CSGALNACT1: variants seen among roughly 807,000 people sequenced by gnomAD.
CSGALNACT1 encodes the protein chondroitin sulfate N-acetylgalactosaminyltransferase 1, also known as beta4GalNAcT-1.
CSGALNACT1 carries 52 observed loss-of-function variants against 51.0 expected under a neutral mutation model. The observed-to-expected ratio is 1.02, with a 90% CI of 0.82 to 1.29. The LOEUF is 1.29. Among genes scored for constraint, CSGALNACT1 ranks in the 50% most tolerant of loss-of-function variants. CSGALNACT1 has a pLI of 0.00. For missense variants in CSGALNACT1, 935 were observed against 679.2 expected (o/e 1.38, Z -4.19); for synonymous variants, 341 against 254.4 (o/e 1.34, Z -3.24).
At chr8:19,560,081 T>A (rs923292909) in intron 3 of CSGALNACT1, among the ~76,000 whole-genome samples, 1 of 152,168 alleles carries the variant, frequency 6.6e-6, no homozygotes, top group African/African-American at 2.4e-5. Flanking sequence ...CCCCCACTTA[T>A]AAACATTTTT....
rs185024443 is a variant in CSGALNACT1 at position 19,655,426 on chromosome 8, T to C, written c.-544+27047A>G. The stretch of plus-strand genomic sequence containing the variant: ...TGCAGGCTGGAGTGCAGTGGCACTA[T>C]CATGGCTCACTGCAGCCTTGACCTC... On this transcript the variant is annotated intron_variant, in intron 1 of 9. Coordinates refer to the CSGALNACT1 transcript ENST00000332246. Among the ~76,000 whole-genome samples, 19 of 152,262 alleles carry C rather than the reference T, an allele frequency of 1.2e-4. No homozygotes were observed. The East Asian group carries it at 3.3e-3, about 26-fold the overall frequency.
intron 3 of CSGALNACT1, among the ~76,000 whole-genome samples, chr8:19,555,925 A>C (rs2089601014): frequency 6.6e-6 from 1 of 152,182 alleles, no homozygotes; most frequent in African/African-American, 2.4e-5. Context: ...GAAGAAGTAA[A>C]ATGATCCTCT....
At chr8:19,431,374 A>C (rs893010926) in intron 6 of CSGALNACT1, among the ~76,000 whole-genome samples, 11 of 152,114 alleles carry the variant, frequency 7.2e-5, no homozygotes, top group African/African-American at 2.7e-4. Flanking sequence ...TTATCATAAA[A>C]GGATGTTGGA....
chr8:19,605,025 G>A (rs902606046), upstream of CSGALNACT1, among the ~76,000 whole-genome samples: 1 of 151,886 alleles, frequency 6.6e-6, no homozygotes, highest in Non-Finnish European at 1.5e-5. Context: ...GTTGGCCTCA[G>A]GAACACAGCC....
intron 1 of CSGALNACT1, among the ~76,000 whole-genome samples, chr8:19,698,800 C>A (rs565436645): frequency 6.6e-6 from 1 of 152,154 alleles, no homozygotes; most frequent in African/African-American, 2.4e-5. Context: ...ACCATATGAT[C>A]CAGCAATTTT....
chr8:19,546,236 CATAAAACATGA>C (rs2086435074), intron 3 of CSGALNACT1, among the ~76,000 whole-genome samples: 2 of 152,186 alleles, frequency 1.3e-5, no homozygotes, highest in Admixed American at 6.5e-5. Context: ...TATATAAATA[CATAAAACATGA>C]TTAATCGTGT....
chr8:19,516,170 T>A (rs1469280743), intron 3 of CSGALNACT1, among the ~76,000 whole-genome samples: 1 of 152,140 alleles, frequency 6.6e-6, no homozygotes, highest in Admixed American at 6.5e-5. Context: ...CCAGACATCA[T>A]ACAAAGCACT....
chr8:19,638,184 C>T (rs916074042), intron 1 of CSGALNACT1, among the ~76,000 whole-genome samples: 6 of 147,732 alleles, frequency 4.1e-5, no homozygotes, highest in African/African-American at 5.1e-5. Flanking sequence ...TCCCTGCCTC[C>T]TTAGGACAGC....
At chr8:19,426,884 G>A (rs1024470306) in intron 6 of CSGALNACT1, among the ~76,000 whole-genome samples, 3 of 152,186 alleles carry the variant, frequency 2.0e-5, no homozygotes, top group Non-Finnish European at 4.4e-5. Context: ...TGCAAGGATA[G>A]TCTCTTCATG....
intron 1 of CSGALNACT1, among the ~76,000 whole-genome samples, chr8:19,748,472 C>T (rs1179353230): frequency 6.6e-6 from 1 of 152,182 alleles, no homozygotes; most frequent in East Asian, 1.9e-4. Flanking sequence ...GCATGCTCCT[C>T]CTCATCTTCC....
At chr8:19,426,129 G>T (rs4921641) in intron 6 of CSGALNACT1, among the ~76,000 whole-genome samples, 30 of 152,130 alleles carry the variant, frequency 2.0e-4, no homozygotes, top group Non-Finnish European at 3.8e-4. Context: ...GCACACACGG[G>T]GTGACCAATA....
chr8:19,460,124 T>C (rs1325568361), intron 4 of CSGALNACT1, among the ~76,000 whole-genome samples: 2 of 152,070 alleles, frequency 1.3e-5, no homozygotes, highest in East Asian at 1.9e-4. Flanking sequence ...CACACACACA[T>C]TACAAAGGTA....
At chr8:19,541,104 G>A (rs1017789282) in intron 3 of CSGALNACT1, among the ~76,000 whole-genome samples, 4 of 151,454 alleles carry the variant, frequency 2.6e-5, no homozygotes, top group South Asian at 2.1e-4. Context: ...TTTTTTAATG[G>A]AGTCTTGCTG....
chr8:19,661,303 G>A (rs1003510911), intron 1 of CSGALNACT1, among the ~76,000 whole-genome samples: 3 of 152,198 alleles, frequency 2.0e-5, no homozygotes, highest in Admixed American at 2.0e-4. Context: ...ACTGGGCAGG[G>A]ACTCTGCCTA....
At chr8:19,531,618 G>T (rs1366878146) in intron 3 of CSGALNACT1, among the ~76,000 whole-genome samples, 1 of 152,212 alleles carries the variant, frequency 6.6e-6, no homozygotes. Context: ...AAGGAAAATT[G>T]ACATAGAATC....
At chr8:19,482,057 C>T (rs1041983631) in intron 4 of CSGALNACT1, among the ~76,000 whole-genome samples, 5 of 152,016 alleles carry the variant, frequency 3.3e-5, no homozygotes, top group Admixed American at 6.6e-5. Flanking sequence ...CTCATGACTC[C>T]GATTAAATAC....
chr8:19,556,151 G>C (rs142066823), intron 3 of CSGALNACT1, among the ~76,000 whole-genome samples: 55 of 152,256 alleles, frequency 3.6e-4, no homozygotes, highest in African/African-American at 1.3e-3. Context: ...GCTGAGGTGG[G>C]CGGATTACCT....
chr8:19,411,469 C>T (rs1175941538), intron 8 of CSGALNACT1, among the ~76,000 whole-genome samples: 4 of 152,206 alleles, frequency 2.6e-5, no homozygotes, highest in African/African-American at 7.2e-5. Context: ...AGAGCCGTCC[C>T]TAGGGCAGAG....
intron 1 of CSGALNACT1, among the ~76,000 whole-genome samples, chr8:19,629,340 G>T (rs192502598): frequency 7.5e-4 from 115 of 152,340 alleles, no homozygotes; most frequent in African/African-American, 2.5e-3. Context: ...AATGAAACCT[G>T]TTCAGAAGCT....
Sources: allele counts gnomAD v4.1 joint callset (sites outside exome capture counted in the v4.1 genomes callset), GRCh38; gene constraint gnomAD v4.1.1; transcripts MANE v1.5; gene names NCBI Gene and HGNC (gene_info 2026-07-23, HGNC 2026-07-21).